The following LINC00632 variants were observed in gnomAD, a reference collection of about 807,000 sequenced individuals.
LINC00632 encodes the protein ALDOA related specific transcript.
chrX:140,746,387 C>G (rs1931327177), intron 3 of LINC00632, among the ~76,000 whole-genome samples: 1 of 111,989 alleles, frequency 8.9e-6, no homozygotes, highest in South Asian at 3.7e-4. Flanking sequence ...CCCCGTTCCT[C>G]TAGATTTTAA....
chrX:140,756,973 G>A (rs777022458), intron 3 of LINC00632, among the ~76,000 whole-genome samples: 1 of 111,428 alleles, frequency 9.0e-6, no homozygotes, highest in Non-Finnish European at 1.9e-5. Flanking sequence ...TGTTTGCAGC[G>A]ACTCCCTATC....
At chrX:140,723,140 T>C (rs1482602953) in intron 2 of LINC00632, among the ~76,000 whole-genome samples, 1 of 100,092 alleles carries the variant, frequency 1.0e-5, no homozygotes, top group Non-Finnish European at 2.0e-5. Flanking sequence ...ATTGAAAACA[T>C]ACAGAACAAC....
chrX:140,777,781 A>G (rs1931891711), exon 5 of LINC00632, among the ~76,000 whole-genome samples: 1 of 112,623 alleles, frequency 8.9e-6, no homozygotes, highest in Non-Finnish European at 1.9e-5. Context: ...AAATGAGAGA[A>G]TAAGACCACT....
exon 5 of LINC00632, among the ~76,000 whole-genome samples, chrX:140,789,073 T>C (rs1602761739): frequency 9.2e-6 from 1 of 108,864 alleles, no homozygotes; most frequent in African/African-American, 3.3e-5. Flanking sequence ...TAGCCATGAC[T>C]CTTTGTTTTG....
At chrX:140,728,898 G>A (rs765180639) in intron 2 of LINC00632, among the ~76,000 whole-genome samples, 1 of 110,439 alleles carries the variant, frequency 9.1e-6, no homozygotes, top group African/African-American at 3.3e-5. Flanking sequence ...ACCCCACAAC[G>A]CCAATAAGTG....
chrX:140,788,806 A>ATATGTG (rs1452302680), exon 5 of LINC00632, among the ~76,000 whole-genome samples: 1 of 103,149 alleles, frequency 9.7e-6, no homozygotes, highest in African/African-American at 3.7e-5. Context: ...ATATACACAT[A>ATATGTG]TATGTATCTA....
At chrX:140,716,696 T>C (rs1342581280) in intron 2 of LINC00632, among the ~76,000 whole-genome samples, 1 of 108,876 alleles carries the variant, frequency 9.2e-6, no homozygotes, top group Non-Finnish European at 1.9e-5. Context: ...AGGCTTGCTC[T>C]ATAACACATC....
intron 3 of LINC00632, among the ~76,000 whole-genome samples, chrX:140,743,914 T>C (rs1419241145): frequency 9.0e-6 from 1 of 111,501 alleles, no homozygotes; most frequent in African/African-American, 3.3e-5. Context: ...AATTGTTTCT[T>C]GTACGTGCAG....
At chrX:140,771,665 G>GTATA (rs1204741716) in intron 3 of LINC00632, among the ~76,000 whole-genome samples, 5 of 41,037 alleles carry the variant, frequency 1.2e-4, no homozygotes, top group African/African-American at 6.2e-4. Flanking sequence ...GTGTGTGTGT[G>GTATA]TATATATATA....
intron 3 of LINC00632, among the ~76,000 whole-genome samples, chrX:140,756,254 C>T (rs772682720): frequency 1.6e-4 from 18 of 112,103 alleles, no homozygotes; most frequent in African/African-American, 5.8e-4. Context: ...TGTCATACTA[C>T]AGTCATAACC....
At chrX:140,778,683 AT>A (rs1931902623) in exon 5 of LINC00632, among the ~76,000 whole-genome samples, 1 of 110,743 alleles carries the variant, frequency 9.0e-6, no homozygotes, top group Admixed American at 9.6e-5. Flanking sequence ...TACCTTGGCC[AT>A]TTTTTTATTT....
intron 3 of LINC00632, among the ~76,000 whole-genome samples, chrX:140,759,193 C>T (rs1315093463): frequency 3.8e-5 from 4 of 106,266 alleles, no homozygotes; most frequent in Non-Finnish European, 3.9e-5. Flanking sequence ...AGGCTGGTCT[C>T]GAACTCCCGA....
intron 3 of LINC00632, among the ~76,000 whole-genome samples, chrX:140,742,117 G>A (rs1441561671): frequency 9.0e-6 from 1 of 111,648 alleles, no homozygotes; most frequent in Non-Finnish European, 1.9e-5. Flanking sequence ...TATCTTTACA[G>A]TAAATAGACT....
intron 3 of LINC00632, among the ~76,000 whole-genome samples, chrX:140,752,819 A>T (rs748510512): frequency 1.8e-5 from 2 of 111,298 alleles, no homozygotes; most frequent in Non-Finnish European, 3.8e-5. Context: ...TGATATAATG[A>T]CTACATTCAA....
At position 140,716,804 on chromosome X, in the gene LINC00632, C is replaced by CACACACAG. The variant is rs1556019596; in HGVS notation, n.104+5155_104+5156insGACACACA. 9.9e-3 allele frequency among the ~76,000 whole-genome samples: 1,081 copies of CACACACAG among 109,013 alleles called. 17 individuals are homozygous for CACACACAG. Among genetic ancestry groups the CACACACAG allele is most frequent in the African/African-American group, 0.035 (1,020 of 29,529 alleles). 94.7% of individuals were successfully genotyped at this position (109,013 alleles called of 115,157 possible). ...ATACACACACACACACACACACACA[C>CACACACAG]ACACACACACAGACACACACACATC... On this transcript the variant is annotated intron_variant and non_coding_transcript_variant, in intron 2 of 4. Coordinates refer to ENST00000648200, the Ensembl canonical transcript of LINC00632.
At chrX:140,721,053 C>T (rs1023400349) in intron 2 of LINC00632, among the ~76,000 whole-genome samples, 1 of 111,487 alleles carries the variant, frequency 9.0e-6, no homozygotes, top group Non-Finnish European at 1.9e-5. Flanking sequence ...AATAGCCAGA[C>T]TTGACCTGCA....
chrX:140,759,306 T>A (rs1307674887), intron 3 of LINC00632, among the ~76,000 whole-genome samples: 1 of 56,825 alleles, frequency 1.8e-5, no homozygotes, highest in Non-Finnish European at 3.5e-5. Context: ...CCTTCCTTCC[T>A]TCCTTCCTTC....
chrX:140,750,277 C>T (rs1042584318), intron 3 of LINC00632, among the ~76,000 whole-genome samples: 29 of 110,215 alleles, frequency 2.6e-4, no homozygotes, highest in African/African-American at 8.6e-4. Flanking sequence ...AAGGAGGAGA[C>T]GTTTGTCAAA....
chrX:140,774,739 T>C (rs1486771731), exon 5 of LINC00632, among the ~76,000 whole-genome samples: 1 of 111,937 alleles, frequency 8.9e-6, no homozygotes, highest in African/African-American at 3.2e-5. Flanking sequence ...ATATTTATTT[T>C]ATTGTTTTAG....
Sources: allele counts gnomAD v4.1 joint callset (sites outside exome capture counted in the v4.1 genomes callset), GRCh38; gene constraint gnomAD v4.1.1; transcripts MANE v1.5; gene names NCBI Gene and HGNC (gene_info 2026-07-23, HGNC 2026-07-21).